The following SLIT2 variants were observed in gnomAD, a reference collection of about 807,000 sequenced individuals.
The protein encoded by SLIT2 is slit homolog 2 protein.
A neutral mutation model predicts 185.7 loss-of-function variants in SLIT2; 41 were observed. That is an observed-to-expected ratio of 0.22 (90% CI 0.17 to 0.29). SLIT2 has a LOEUF of 0.29. SLIT2 is among the 10% of genes least tolerant of loss of function. SLIT2 has a pLI of 1.00. For synonymous variants in SLIT2, 693 were observed against 680.2 expected (o/e 1.02, Z -0.29); for missense variants, 1,571 against 1,909.0 (o/e 0.82, Z 3.30).
intron 4 of SLIT2, among the ~76,000 whole-genome samples, chr4:20,456,559 C>T (rs1713090414): frequency 6.6e-6 from 1 of 152,120 alleles, no homozygotes; most frequent in African/African-American, 2.4e-5. Flanking sequence ...CTGCTCTTTA[C>T]TCACATATGC....
At chr4:20,537,472 C>T (rs1027647775) in intron 18 of SLIT2, among the ~76,000 whole-genome samples, 1 of 152,062 alleles carries the variant, frequency 6.6e-6, no homozygotes, top group African/African-American at 2.4e-5. Context: ...CAGTTGAACC[C>T]GAAACACCAC....
chr4:20,603,178 G>A (rs1728535242), intron 33 of SLIT2, among the ~76,000 whole-genome samples: 2 of 152,154 alleles, frequency 1.3e-5, no homozygotes, highest in South Asian at 4.1e-4. Flanking sequence ...CTTACATGGT[G>A]GCAGACAAGA....
chr4:20,541,224 C>T (rs1722775134), intron 19 of SLIT2, among the ~76,000 whole-genome samples: 2 of 152,002 alleles, frequency 1.3e-5, no homozygotes, highest in Non-Finnish European at 2.9e-5. Context: ...TGAAGAATTA[C>T]CTTATGTAAA....
chr4:20,273,333 T>A (rs536006179), intron 4 of SLIT2, among the ~76,000 whole-genome samples: 1 of 152,098 alleles, frequency 6.6e-6, no homozygotes, highest in Non-Finnish European at 1.5e-5. Flanking sequence ...TACTTATCAA[T>A]TATTATCTTA....
intron 4 of SLIT2, among the ~76,000 whole-genome samples, chr4:20,291,471 TATATATATATATATATA>T (rs1715842352): frequency 1.2e-4 from 1 of 8,470 alleles, no homozygotes; most frequent in Non-Finnish European, 3.3e-4. Flanking sequence ...TATATATATA[TATATATATATATATATA>T]TATATTTTTT....
chr4:20,442,822 A>G (rs1729874919), intron 4 of SLIT2, among the ~76,000 whole-genome samples: 1 of 152,172 alleles, frequency 6.6e-6, no homozygotes, highest in Non-Finnish European at 1.5e-5. Context: ...TTGGAAGGCT[A>G]AAGTTTCACA....
At chr4:20,425,525 T>A (rs1728489855) in intron 4 of SLIT2, among the ~76,000 whole-genome samples, 1 of 152,158 alleles carries the variant, frequency 6.6e-6, no homozygotes, top group African/African-American at 2.4e-5. Context: ...GTGGTGTATA[T>A]CTACTGTAGA....
intron 5 of SLIT2, among the ~76,000 whole-genome samples, chr4:20,474,328 G>T (rs1478621001): frequency 6.6e-6 from 1 of 151,976 alleles, no homozygotes; most frequent in Non-Finnish European, 1.5e-5. Context: ...CCATGGTTCT[G>T]TATTTTGCTT....
chr4:20,519,134 G>A (rs1016743328), intron 11 of SLIT2, among the ~76,000 whole-genome samples: 2 of 152,124 alleles, frequency 1.3e-5, no homozygotes, highest in East Asian at 1.9e-4. Flanking sequence ...GGCAATGCAA[G>A]TGGAAATGAT....
chr4:20,540,796 G>C (rs570059025), intron 19 of SLIT2, among the ~76,000 whole-genome samples: 4 of 152,128 alleles, frequency 2.6e-5, no homozygotes, highest in African/African-American at 9.7e-5. Flanking sequence ...ATTTTACATC[G>C]AGTGGCTAAT....
intron 6 of SLIT2, among the ~76,000 whole-genome samples, chr4:20,483,001 A>G (rs1360227140): frequency 6.6e-6 from 1 of 152,006 alleles, no homozygotes; most frequent in Non-Finnish European, 1.5e-5. Flanking sequence ...AGCTTAAGAG[A>G]GGTTGCATGA....
intron 5 of SLIT2, among the ~76,000 whole-genome samples, chr4:20,470,893 G>A (rs1305503932): frequency 6.6e-6 from 1 of 152,110 alleles, no homozygotes; most frequent in Non-Finnish European, 1.5e-5. Flanking sequence ...AGCAGTATGT[G>A]TCTTGAATAG....
At chr4:20,574,797 A>C (rs963404742) in intron 29 of SLIT2, among the ~76,000 whole-genome samples, 2 of 151,844 alleles carry the variant, frequency 1.3e-5, no homozygotes, top group Admixed American at 6.6e-5. Context: ...AAAAAAAAAA[A>C]AAAAAAAAAA....
chr4:20,492,310 A>G (rs1320468850), intron 9 of SLIT2, among the ~76,000 whole-genome samples: 2 of 152,206 alleles, frequency 1.3e-5, no homozygotes, highest in African/African-American at 4.8e-5. Flanking sequence ...TCATGTTTTA[A>G]AAGGCAGTTT....
intron 4 of SLIT2, among the ~76,000 whole-genome samples, chr4:20,399,928 T>C (rs1167993784): frequency 6.6e-6 from 1 of 151,606 alleles, no homozygotes; most frequent in East Asian, 1.9e-4. Flanking sequence ...AGATGATGGA[T>C]GAGGATAATG....
Position 20,537,991 on chromosome 4 carries a change from G to A in SLIT2, c.1833-1450G>A, listed in dbSNP as rs562895572. On this transcript the variant is annotated intron_variant, in intron 18 of 36. Coordinates refer to ENST00000504154, the MANE Select transcript of SLIT2 (RefSeq NM_004787.4). The stretch of plus-strand genomic sequence containing the variant: ...ATTTATTTATTTGAGACGGAGTCTC[G>A]CTCTGTCGCCCAGGCTGGAGTGCTG... Among the ~76,000 whole-genome samples the A allele has an allele frequency of 8.4e-4, 128 of 152,068 alleles. 1 individual carries two copies. Among genetic ancestry groups the A allele is most frequent in the East Asian group, 3.9e-3 (20 of 5,158 alleles).
At chr4:20,415,952 G>A (rs1178382653) in intron 4 of SLIT2, among the ~76,000 whole-genome samples, 1 of 152,058 alleles carries the variant, frequency 6.6e-6, no homozygotes, top group African/African-American at 2.4e-5. Flanking sequence ...TCAGTTCCAA[G>A]AACATAATAG....
rs754836978 is a variant in SLIT2, at chr4:20,595,661, G to A, written c.3183-36G>A. On this transcript the variant is annotated intron_variant, in intron 30 of 36. Transcript: ENST00000504154. Reference sequence around the variant, plus strand: ...TGCATTGTTTACTTATTTTGGCTCAGTTGGGTTTGAAACCATTACCTGCTT... The same window carrying A: ...TGCATTGTTTACTTATTTTGGCTCAATTGGGTTTGAAACCATTACCTGCTT... The A allele has an allele frequency of 4.7e-5, 75 of 1,608,336 alleles. No individual in the cohort carries two copies. The South Asian group carries it at 7.0e-4, about 15-fold the overall frequency.
intron 4 of SLIT2, among the ~76,000 whole-genome samples, chr4:20,347,906 T>C (rs1577476576): frequency 6.6e-6 from 1 of 152,316 alleles, no homozygotes; most frequent in Non-Finnish European, 1.5e-5. Context: ...TCTAACACAC[T>C]AGAAAGCCAT....
Sources: gnomAD v4.1 joint callset for allele counts (sites outside exome capture counted in the v4.1 genomes callset) on GRCh38, gnomAD v4.1.1 for gene constraint, MANE v1.5 for transcripts, NCBI Gene and HGNC (gene_info 2026-07-23, HGNC 2026-07-21) for gene names.